The following PTPRT variants were observed in gnomAD, a reference collection of about 807,000 sequenced individuals.
PTPRT encodes the protein receptor-type tyrosine-protein phosphatase T.
Under a neutral mutation model 176.8 loss-of-function variants are expected in PTPRT, and 56 were observed. That is an observed-to-expected ratio of 0.32 (90% CI 0.26 to 0.40). The LOEUF (loss-of-function observed/expected upper bound fraction) is 0.40, where lower values mean the gene tolerates loss of function less well. Among genes scored for constraint, PTPRT ranks in the 10% least tolerant of loss-of-function variants. The pLI is 1.00. For synonymous variants in PTPRT, 783 were observed against 739.0 expected, an observed-to-expected ratio of 1.06 and a Z score of -0.96; for missense variants, 1,540 against 1,908.2, an observed-to-expected ratio of 0.81 and a Z score of 3.60.
intron 8 of PTPRT, among the ~76,000 whole-genome samples, chr20:42,456,317 A>C (rs1435591470): frequency 6.6e-6 from 1 of 152,014 alleles, no homozygotes; most frequent in African/African-American, 2.4e-5. Context: ...ATCTATGTAG[A>C]GATAATTGTA....
chr20:42,151,836 T>A (rs2146460926), intron 17 of PTPRT, among the ~76,000 whole-genome samples: 2 of 152,342 alleles, frequency 1.3e-5, no homozygotes, highest in Middle Eastern at 6.8e-3. Context: ...ATTCCCAGGA[T>A]GTAGGACTTT....
chr20:42,283,880 T>A (rs1312602592), intron 12 of PTPRT, among the ~76,000 whole-genome samples: 1 of 152,130 alleles, frequency 6.6e-6, no homozygotes, highest in Non-Finnish European at 1.5e-5. Flanking sequence ...CTCTGAATGC[T>A]GGAAATGATC....
chr20:43,135,160 A>C (rs978075755), intron 1 of PTPRT, among the ~76,000 whole-genome samples: 2 of 152,196 alleles, frequency 1.3e-5, no homozygotes, highest in Non-Finnish European at 2.9e-5. Flanking sequence ...TCCAGAGAAA[A>C]GCAATGGGGA....
At chr20:42,112,236 C>T (rs188315424) in intron 22 of PTPRT, among the ~76,000 whole-genome samples, 4 of 152,258 alleles carry the variant, frequency 2.6e-5, no homozygotes, top group Admixed American at 2.0e-4. Flanking sequence ...ACTATTGGTG[C>T]CCACTCAGAT....
chr20:42,901,847 C>G (rs1161247283), intron 1 of PTPRT, among the ~76,000 whole-genome samples: 1 of 152,192 alleles, frequency 6.6e-6, no homozygotes, highest in Non-Finnish European at 1.5e-5. Flanking sequence ...GAACTAGAAA[C>G]CTAGCCTGCC....
intron 1 of PTPRT, among the ~76,000 whole-genome samples, chr20:43,142,331 G>A (rs1041100804): frequency 6.6e-6 from 1 of 152,232 alleles, no homozygotes; most frequent in Non-Finnish European, 1.5e-5. Flanking sequence ...TGGCCACAGG[G>A]CACACGACTG....
intron 11 of PTPRT, among the ~76,000 whole-genome samples, chr20:42,324,978 A>C (rs2057861228): frequency 6.6e-6 from 1 of 152,200 alleles, no homozygotes; most frequent in Non-Finnish European, 1.5e-5. Flanking sequence ...TCTGTCTTTT[A>C]TACATTTATT....
chr20:42,388,418 C>G (rs916772668), intron 9 of PTPRT, among the ~76,000 whole-genome samples: 1 of 152,074 alleles, frequency 6.6e-6, no homozygotes, highest in African/African-American at 2.4e-5. Context: ...AGCACTTAAA[C>G]AAATTTACAA....
At chr20:42,919,747 C>T (rs1225371673) in intron 1 of PTPRT, among the ~76,000 whole-genome samples, 3 of 152,190 alleles carry the variant, frequency 2.0e-5, no homozygotes, top group South Asian at 2.1e-4. Context: ...CCTTCGAATT[C>T]CCCACCCTCA....
At chr20:42,987,988 A>G (rs963905288) in intron 1 of PTPRT, among the ~76,000 whole-genome samples, 4 of 152,148 alleles carry the variant, frequency 2.6e-5, no homozygotes, top group Non-Finnish European at 5.9e-5. Flanking sequence ...AGACAGGCCG[A>G]GATGGAAGCT....
chr20:42,532,850 A>G (rs973144579), intron 7 of PTPRT, among the ~76,000 whole-genome samples: 6 of 152,004 alleles, frequency 3.9e-5, no homozygotes, highest in Admixed American at 3.3e-4. Context: ...TTTCTTCCCA[A>G]AGCAGACCTA....
chr20:42,463,585 C>T (rs1270644447), intron 8 of PTPRT, among the ~76,000 whole-genome samples: 1 of 152,042 alleles, frequency 6.6e-6, no homozygotes, highest in African/African-American at 2.4e-5. Flanking sequence ...AAGTTTTCTC[C>T]TCTCCTCTCC....
the PTPRT span, among the ~76,000 whole-genome samples, chr20:42,057,020 A>G: frequency 6.6e-6 from 1 of 152,184 alleles, no homozygotes; most frequent in African/African-American, 2.4e-5. Flanking sequence ...ACACTCTTCT[A>G]GCTCTGTAGC....
At chr20:42,825,461 T>C (rs1464589949) in intron 2 of PTPRT, among the ~76,000 whole-genome samples, 4 of 151,924 alleles carry the variant, frequency 2.6e-5, no homozygotes, top group Non-Finnish European at 4.4e-5. Flanking sequence ...GAATTCTAAA[T>C]GAGAAAAAAA....
At chr20:42,146,349 G>A (rs1487037216) in intron 17 of PTPRT, among the ~76,000 whole-genome samples, 1 of 152,200 alleles carries the variant, frequency 6.6e-6, no homozygotes, top group African/African-American at 2.4e-5. Flanking sequence ...GTGGGGTGAA[G>A]CCAAAAGCAG....
At chr20:42,931,467 A>T (rs926945256) in intron 1 of PTPRT, among the ~76,000 whole-genome samples, 1 of 152,236 alleles carries the variant, frequency 6.6e-6, no homozygotes, top group Admixed American at 6.5e-5. Flanking sequence ...GCATTTTGTC[A>T]TGACAGCACA....
At chr20:42,919,093 A>C (rs1213581144) in intron 1 of PTPRT, among the ~76,000 whole-genome samples, 1 of 152,220 alleles carries the variant, frequency 6.6e-6, no homozygotes, top group African/African-American at 2.4e-5. Flanking sequence ...CTACAAAATG[A>C]AACACAAAAC....
intron 7 of PTPRT, among the ~76,000 whole-genome samples, chr20:42,645,006 T>C (rs1296360101): frequency 6.6e-6 from 1 of 152,156 alleles, no homozygotes; most frequent in Admixed American, 6.5e-5. Flanking sequence ...GCTCATGAAG[T>C]GGTTTCCTTA....
chr20:42,484,256 T>C (rs955229932), intron 7 of PTPRT, among the ~76,000 whole-genome samples: 2 of 152,192 alleles, frequency 1.3e-5, no homozygotes, highest in African/African-American at 4.8e-5. Context: ...AACAGTTTCA[T>C]GTATTAGTTG....
Sources: allele counts gnomAD v4.1 joint callset (sites outside exome capture counted in the v4.1 genomes callset), GRCh38; gene constraint gnomAD v4.1.1; transcripts MANE v1.5; gene names NCBI Gene and HGNC (gene_info 2026-07-23, HGNC 2026-07-21).